FLNB: variants seen among roughly 807,000 people sequenced by gnomAD.
FLNB encodes filamin B.
A neutral mutation model predicts 250.6 loss-of-function variants in FLNB; 111 were observed. The ratio of observed to expected loss-of-function variants is 0.44; its 90% CI spans 0.38 to 0.52. The LOEUF (loss-of-function observed/expected upper bound fraction) is 0.52, where lower values mean the gene tolerates loss of function less well. Among genes scored for constraint, FLNB ranks in the 20% least tolerant of loss-of-function variants. The pLI, the probability that FLNB is intolerant of heterozygous loss-of-function variation, is 0.00. For synonymous variants in FLNB, 1,302 were observed against 1,372.1 expected (o/e 0.95, Z 1.13); for missense variants, 2,869 against 3,447.8 (o/e 0.83, Z 4.20).
At chr3:58,156,147 T>C (rs2097353052) in intron 41 of FLNB, 72 bp downstream of exon 41, 1 of 1,136,016 alleles carries the variant, frequency 8.8e-7, no homozygotes, top group Non-Finnish European at 1.3e-6. Context: ...CTGAGGCTGC[T>C]TCAATGTCCC....
At position 58,109,318 on chromosome 3, in the gene FLNB, A is replaced by T; in HGVS notation, c.2195A>T (p.Tyr732Phe). 2 of 1,613,494 alleles carry T rather than the reference A, an allele frequency of 1.2e-6. No individual in the cohort carries two copies. The highest frequency in any genetic ancestry group is 1.7e-6 in the Non-Finnish European group (2 of 1,179,732). ...WGGVNIPHSP[Y>F]RVNIGQGSHP... ...GGCGTGAACATCCCGCACAGCCCCT[A>T]CAGGGTAGGTTGTGAGGCAGAATCC... The change falls in exon 14 of 46, where the codon TAC (tyrosine) becomes TTC (phenylalanine). Residue 732 changes from tyrosine (Y) to phenylalanine (F), a missense_variant. Around this residue, in one of 5 missense-constraint regions of FLNB, gnomAD observed 1,348 missense variants for 1,466.7 expected, o/e 0.92. Coordinates refer to ENST00000295956, the MANE Select transcript of FLNB (RefSeq NM_001457.4).
At chr3:58,086,833 A>G (rs1047939978) in intron 4 of FLNB, among the ~76,000 whole-genome samples, 1 of 152,184 alleles carries the variant, frequency 6.6e-6, no homozygotes, top group African/African-American at 2.4e-5. Context: ...AATTCATGAT[A>G]GCTGGGCATG....
chr3:58,082,213 C>T (rs971912389), intron 4 of FLNB, among the ~76,000 whole-genome samples: 1 of 152,178 alleles, frequency 6.6e-6, no homozygotes, highest in Non-Finnish European at 1.5e-5. Context: ...CTGGCAGATA[C>T]TTCCTTGCTA....
intron 1 of FLNB, among the ~76,000 whole-genome samples, chr3:58,072,386 G>A (rs1236510294): frequency 6.6e-6 from 1 of 152,192 alleles, no homozygotes; most frequent in African/African-American, 2.4e-5. Context: ...GAATCCTGCT[G>A]AAAGGCTTCC....
Position 58,125,581 on chromosome 3 carries a change from G to T in FLNB, c.3899G>T (p.Gly1300Val). The T allele has an allele frequency of 6.2e-7, 1 of 1,614,146 alleles. No homozygotes were observed. The highest frequency in any genetic ancestry group is 1.1e-5 in the South Asian group (1 of 91,088). The change falls in exon 23 of 46, where the codon GGT becomes GTT. Residue 1300 changes from glycine (G) to valine (V), a missense_variant and splice_region_variant. By Grantham distance (109) the Gly-to-Val change is moderately radical (BLOSUM62 -3). Coordinates refer to ENST00000295956, the MANE Select transcript of FLNB (RefSeq NM_001457.4). ...CGTTTCTGTTTGTTGTTTTGAGCAG[G>T]TCTCCATGTAGTGGAGGTGACATAT... The part of the protein sequence containing the change: ...YQVEYTPFEK[G>V]LHVVEVTYDD...
intron 1 of FLNB, among the ~76,000 whole-genome samples, chr3:58,067,577 T>TG (rs1220815303): frequency 6.0e-5 from 8 of 133,118 alleles, no homozygotes; most frequent in African/African-American, 2.1e-4. Context: ...AAGAGGTTTT[T>TG]TTTGTTTGTT....
At chr3:58,057,640 A>G (rs555613485) in intron 1 of FLNB, among the ~76,000 whole-genome samples, 10 of 152,288 alleles carry the variant, frequency 6.6e-5, no homozygotes, top group East Asian at 1.9e-4. Flanking sequence ...GATGAATCCA[A>G]TTGGGTTTTT....
chr3:58,170,181 T>C (rs1200319381), intron 45 of FLNB, among the ~76,000 whole-genome samples: 1 of 152,210 alleles, frequency 6.6e-6, no homozygotes, highest in Non-Finnish European at 1.5e-5. Flanking sequence ...AGTACCTTCC[T>C]TAAGGTGCTT....
Position 58,142,740 on chromosome 3 carries a change from G to A in FLNB, c.5272G>A (p.Gly1758Arg), listed in dbSNP as rs1454958032. The A allele has an allele frequency of 1.2e-6, 2 of 1,614,116 alleles. No homozygotes were observed. The highest frequency in any genetic ancestry group is 3.3e-5 in the Admixed American group (2 of 60,036). ...DLVIPFAVRK[G>R]EITGEVHMPS... is the part of the protein sequence containing the mutation. ...GGTCATTCCGTTTGCTGTCAGGAAA[G>A]GAGAAATCACTGGTAAGCACTTGCC... is the stretch of plus-strand genomic sequence containing the variant. Residue 1758 changes from glycine (G) to arginine (R), a missense_variant, in exon 31 of 46, where the codon GGA (glycine) becomes AGA (arginine). Gly to Arg is a moderately radical substitution (Grantham distance 125, BLOSUM62 -2). This residue lies in a region of FLNB where 1,084 missense variants were observed against 1,315.5 expected (regional missense o/e 0.82). Transcript: ENST00000295956. This position sits in a 1 kb window ranked among gnomAD's most constrained non-coding sequence, Gnocchi z 4.3.
intron 1 of FLNB, among the ~76,000 whole-genome samples, chr3:58,016,923 T>G (rs891355096): frequency 5.3e-5 from 8 of 152,256 alleles, no homozygotes; most frequent in African/African-American, 1.7e-4. Context: ...CTTACATTAC[T>G]GTTGTAAATC....
intron 2 of FLNB, among the ~76,000 whole-genome samples, chr3:58,077,978 AG>A (rs1352582033): frequency 6.6e-6 from 1 of 152,146 alleles, no homozygotes; most frequent in Non-Finnish European, 1.5e-5. Flanking sequence ...TAAAAAAAAA[AG>A]GTATTAATCA....
At chr3:58,026,411 G>A (rs547295034) in intron 1 of FLNB, among the ~76,000 whole-genome samples, 26 of 152,296 alleles carry the variant, frequency 1.7e-4, no homozygotes, top group African/African-American at 6.3e-4. Flanking sequence ...TTGCTGCCCT[G>A]GGTGTGGTGG....
At chr3:58,148,144 C>T in intron 34 of FLNB, 62 bp from the exon 35 acceptor site, 1 of 1,538,502 alleles carries the variant, frequency 6.5e-7, no homozygotes, top group East Asian at 2.2e-5. Flanking sequence ...TATGGCATGG[C>T]AGCTCTGTGA....
At chr3:58,121,151 G>A (rs1415278719) in intron 19 of FLNB, 90 bp from the exon 20 acceptor site, 18 of 1,546,990 alleles carry the variant, frequency 1.2e-5, no homozygotes, top group Middle Eastern at 1.9e-4. Context: ...ATAAGTCCCC[G>A]TGTCCAAAGA....
At chr3:58,113,944 G>A (rs999213643) in intron 18 of FLNB, among the ~76,000 whole-genome samples, 2 of 152,130 alleles carry the variant, frequency 1.3e-5, no homozygotes, top group African/African-American at 4.8e-5. Context: ...CTCCAAACCT[G>A]CGGATATTAC....
Position 58,142,021 on chromosome 3 carries a change from C to A in FLNB, c.5181+92C>A. The A allele has an allele frequency of 9.4e-7, 1 of 1,063,898 alleles. No homozygotes were observed. The highest frequency in any genetic ancestry group is 1.5e-6 in the Non-Finnish European group (1 of 682,452). The allele number at this position is 1,063,898 out of a possible 1,614,324, so 65.9% of individuals were successfully genotyped here. Reference sequence around the variant, plus strand: ...CATCTGCTTCTGGGATTGCTTAAGCCCTGTGGGTGTCCTGGTCATTGGTGT... The same window carrying A: ...CATCTGCTTCTGGGATTGCTTAAGCACTGTGGGTGTCCTGGTCATTGGTGT... On this transcript the variant is annotated intron_variant, in intron 30 of 45. Coordinates refer to ENST00000295956, the MANE Select transcript of FLNB (RefSeq NM_001457.4). The surrounding 1 kb of genome is among the most constrained non-coding windows in gnomAD (Gnocchi z 4.3).
chr3:58,100,087 T>C lies in FLNB; in HGVS notation c.1345+1179T>C, dbSNP rs138077146. 2.3e-3 allele frequency among the ~76,000 whole-genome samples: 346 copies of C among 152,178 alleles called. 3 individuals are homozygous for C. The highest frequency in any genetic ancestry group is 7.6e-3 in the African/African-American group (316 of 41,536). ...CTCCGAGGAAGTCCTGTCATTGTAT[T>C]GTGACTGACTTCTGGTATGACCAAC... On this transcript the variant is annotated intron_variant, in intron 8 of 45. Transcript: ENST00000295956.
Position 58,143,533 on chromosome 3 carries a change from G to A in FLNB, c.5345G>A (p.Gly1782Asp). The A allele has an allele frequency of 1.2e-6, 2 of 1,614,144 alleles. No homozygotes were observed. Among genetic ancestry groups the A allele is most frequent in the Non-Finnish European group, 1.7e-6 (2 of 1,180,006 alleles). ...ATPEIVDNKD[G>D]TVTVRYAPTE... Reference sequence around the variant, plus strand: ...CCTGAGATTGTGGACAACAAGGACGGCACGGTCACTGTTAGATATGCCCCC... The same window carrying A: ...CCTGAGATTGTGGACAACAAGGACGACACGGTCACTGTTAGATATGCCCCC... The change falls in exon 32 of 46, where the codon GGC becomes GAC. Residue 1782 changes from glycine to aspartate, a missense_variant. Physicochemically the swap from Gly to Asp is moderately conservative, Grantham distance 94. This residue lies in a region of FLNB where 1,084 missense variants were observed against 1,315.5 expected (regional missense o/e 0.82). Transcript: ENST00000295956.
intron 1 of FLNB, among the ~76,000 whole-genome samples, chr3:58,061,578 T>C (rs2097178579): frequency 1.3e-5 from 2 of 151,546 alleles, no homozygotes; most frequent in East Asian, 2.0e-4. Context: ...ATTACGAAAA[T>C]TAGCCAGGCA....
Sources: allele counts gnomAD v4.1 joint callset (sites outside exome capture counted in the v4.1 genomes callset), GRCh38; gene constraint gnomAD v4.1.1; regional missense constraint gnomAD v4.1.1; non-coding constraint Gnocchi (gnomAD v3.1); transcripts MANE v1.5; gene names NCBI Gene and HGNC (gene_info 2026-07-23, HGNC 2026-07-21).